PRMT8: variants seen among roughly 807,000 people sequenced by gnomAD.
The protein encoded by PRMT8 is protein arginine methyltransferase 8.
In PRMT8, 7 loss-of-function variants were observed where a neutral mutation model predicts 47.1. That is an observed-to-expected ratio of 0.15 (90% confidence interval 0.08 to 0.28). The LOEUF is 0.28. PRMT8 is among the 10% of genes least tolerant of loss of function. The pLI is 1.00. For missense variants in PRMT8, 237 were observed against 505.4 expected, an observed-to-expected ratio of 0.47 and a Z score of 5.09; for synonymous variants, 188 against 186.5, an observed-to-expected ratio of 1.01 and a Z score of -0.07.
At chr12:3,480,072 G>A (rs1444088606) in intron 1 of PRMT8, among the ~76,000 whole-genome samples, 1 of 152,104 alleles carries the variant, frequency 6.6e-6, no homozygotes, top group African/African-American at 2.4e-5. Flanking sequence ...ATGGATAATG[G>A]ACAAACCCTG....
intron 1 of PRMT8, among the ~76,000 whole-genome samples, chr12:3,402,997 A>G (rs1864332778): frequency 6.6e-6 from 1 of 152,216 alleles, no homozygotes; most frequent in African/African-American, 2.4e-5. Flanking sequence ...AAATCATTCT[A>G]TTACAAAGAT....
Position 3,552,875 on chromosome 12 carries a change from AAG to A in PRMT8, c.418-771_418-770del. On this transcript the variant is annotated intron_variant, in intron 3 of 9. Coordinates refer to ENST00000382622, the MANE Select transcript of PRMT8 (RefSeq NM_019854.5). This position sits in a 1 kb window ranked among gnomAD's most constrained non-coding sequence, Gnocchi z 4.5. ...GGCCTTAGCACAGGCCAGCCTCTGT[AAG>A]AGAGCCGGCTCCGGAGGTGAGGACG... is the stretch of plus-strand genomic sequence containing the variant. 2.4e-6 allele frequency: 1 copy of A among 425,366 alleles called. No homozygotes were observed. Among genetic ancestry groups the A allele is most frequent in the Non-Finnish European group, 4.8e-6 (1 of 210,100 alleles). 26.3% of individuals were successfully genotyped at this position (425,366 alleles called of 1,614,324 possible).
chr12:3,425,520 G>A (rs1864594870), intron 1 of PRMT8, among the ~76,000 whole-genome samples: 4 of 152,238 alleles, frequency 2.6e-5, no homozygotes, highest in Admixed American at 1.3e-4. Flanking sequence ...CCCAGGGCTG[G>A]GGCTGACATG....
At chr12:3,525,377 G>T (rs1865937717) in intron 1 of PRMT8, among the ~76,000 whole-genome samples, 1 of 152,148 alleles carries the variant, frequency 6.6e-6, no homozygotes, top group African/African-American at 2.4e-5. Flanking sequence ...GGGCCTTGTG[G>T]GTATGCAGAG....
At position 3,420,999 on chromosome 12, in the gene PRMT8, C is replaced by A. The variant is rs1864534842; in HGVS notation, c.48+39557C>A. Among the ~76,000 whole-genome samples the A allele has an allele frequency of 2.6e-5, 4 of 152,274 alleles. No homozygotes were observed. The South Asian group carries it at 6.2e-4, about 24-fold the overall frequency. On this transcript the variant is annotated intron_variant, in intron 1 of 9. Coordinates refer to the PRMT8 transcript ENST00000452611. ...CTGGAACCTGAGTCAAAAATCACAT[C>A]AAATATCAGGCATTCCACTGGGAGG... is the stretch of plus-strand genomic sequence containing the variant.
At chr12:3,470,931 G>A (rs1206576125) in intron 1 of PRMT8, among the ~76,000 whole-genome samples, 49 of 152,208 alleles carry the variant, frequency 3.2e-4, no homozygotes, top group Admixed American at 3.2e-3. Context: ...CAAAAGACAG[G>A]CTTAATGGGA....
chr12:3,416,542 G>A (rs1400337325), intron 1 of PRMT8, among the ~76,000 whole-genome samples: 2 of 152,194 alleles, frequency 1.3e-5, no homozygotes, highest in African/African-American at 4.8e-5. Context: ...AGTCACTGGT[G>A]GGCTGTTGGA....
intron 1 of PRMT8, among the ~76,000 whole-genome samples, chr12:3,472,638 A>G (rs1865172334): frequency 6.6e-6 from 1 of 152,338 alleles, no homozygotes; most frequent in Non-Finnish European, 1.5e-5. Flanking sequence ...GGCCTGACCC[A>G]GTAAGCTTTG....
Position 3,557,636 on chromosome 12 carries a change from T to A in PRMT8, c.481+3922T>A, listed in dbSNP as rs1253566076. On this transcript the variant is annotated intron_variant, in intron 4 of 9. Transcript: ENST00000382622. This position sits in a 1 kb window ranked among gnomAD's most constrained non-coding sequence, Gnocchi z 4.7. Reference sequence around the variant, plus strand: ...AAAGAAAACTGGTCGATTCTTTCTCTGGGAGGGTGACACAGCCTGGCCTCC... The same window carrying A: ...AAAGAAAACTGGTCGATTCTTTCTCAGGGAGGGTGACACAGCCTGGCCTCC... 1.3e-5 allele frequency among the ~76,000 whole-genome samples: 2 copies of A among 152,162 alleles called. No individual in the cohort carries two copies. The highest frequency in any genetic ancestry group is 2.9e-5 in the Non-Finnish European group (2 of 68,016).
intron 1 of PRMT8, among the ~76,000 whole-genome samples, chr12:3,426,756 G>T (rs1320896017): frequency 6.6e-6 from 1 of 152,112 alleles, no homozygotes; most frequent in Admixed American, 6.5e-5. Context: ...AATTTGGTAG[G>T]GTTTTCCCCT....
rs10450713 is a variant in PRMT8, at chr12:3,447,795, C to G, written c.48+66353C>G. Reference sequence around the variant, plus strand: ...CATCATCAAGGCTTAAATTGGTGTTCACCCCTGCACTGACCTCTTTACATT... The same window carrying G: ...CATCATCAAGGCTTAAATTGGTGTTGACCCCTGCACTGACCTCTTTACATT... On this transcript the variant is annotated intron_variant, in intron 1 of 9. Transcript: ENST00000452611. Among the ~76,000 whole-genome samples the G allele has an allele frequency of 7.9e-3, 1,202 of 152,324 alleles. 15 individuals are homozygous for G. The highest frequency in any genetic ancestry group is 0.027 in the African/African-American group (1,127 of 41,568).
chr12:3,407,811 C>T (rs1864388026), intron 1 of PRMT8, among the ~76,000 whole-genome samples: 1 of 151,998 alleles, frequency 6.6e-6, no homozygotes, highest in Non-Finnish European at 1.5e-5. Context: ...TTTTTTCATT[C>T]TCTTTTCTTT....
At chr12:3,437,200 A>C (rs1864752927) in intron 1 of PRMT8, among the ~76,000 whole-genome samples, 1 of 151,986 alleles carries the variant, frequency 6.6e-6, no homozygotes, top group African/African-American at 2.4e-5. Flanking sequence ...ATAAAAGAAA[A>C]ATATATATTT....
At chr12:3,457,912 A>G (rs1002353918) in intron 1 of PRMT8, among the ~76,000 whole-genome samples, 8 of 131,238 alleles carry the variant, frequency 6.1e-5, no homozygotes, top group African/African-American at 2.3e-4. Context: ...GTGTGATCTC[A>G]GCTCACTGCA....
intron 1 of PRMT8, among the ~76,000 whole-genome samples, chr12:3,413,948 T>C (rs1209556219): frequency 2.0e-5 from 3 of 152,146 alleles, no homozygotes; most frequent in Admixed American, 2.0e-4. Flanking sequence ...GATTTTGGTA[T>C]TCACAGGTGT....
chr12:3,526,283 C>T (rs557242150), intron 1 of PRMT8, among the ~76,000 whole-genome samples: 1 of 152,270 alleles, frequency 6.6e-6, no homozygotes, highest in South Asian at 2.1e-4. Context: ...ACTTGGTTTG[C>T]TTTCCCATTT....
At position 3,456,240 on chromosome 12, in the gene PRMT8, C is replaced by T. The variant is rs149182631; in HGVS notation, c.48+74798C>T. On this transcript the variant is annotated intron_variant, in intron 1 of 9. Coordinates refer to the PRMT8 transcript ENST00000452611. This position sits in a 1 kb window ranked among gnomAD's most constrained non-coding sequence, Gnocchi z 4.2. ...CTTTGAGCGGGAAATGGCAGCCTCCCCTTGCCTGCAGTTCTTCCGGCCTCA... is the reference window on the plus strand; with the variant it reads ...CTTTGAGCGGGAAATGGCAGCCTCCTCTTGCCTGCAGTTCTTCCGGCCTCA... Among the ~76,000 whole-genome samples, 1 of 152,352 alleles carries T rather than the reference C, an allele frequency of 6.6e-6. No homozygotes were observed. The highest frequency in any genetic ancestry group is 1.5e-5 in the Non-Finnish European group (1 of 68,026).
chr12:3,456,172 T>C lies in PRMT8; in HGVS notation c.48+74730T>C, dbSNP rs904321781. Among the ~76,000 whole-genome samples, 7 of 152,204 alleles carry C rather than the reference T, an allele frequency of 4.6e-5. No individual in the cohort carries two copies. The highest frequency in any genetic ancestry group is 4.6e-4 in the Admixed American group (7 of 15,284). On this transcript the variant is annotated intron_variant, in intron 1 of 9. Transcript: ENST00000452611. This position sits in a 1 kb window ranked among gnomAD's most constrained non-coding sequence, Gnocchi z 4.2. Reference sequence around the variant, plus strand: ...TTCCTCACTTAAACCACATTTCCGATGACCACATCCAAGTACGCCAGCGCT... The same window carrying C: ...TTCCTCACTTAAACCACATTTCCGACGACCACATCCAAGTACGCCAGCGCT...
chr12:3,568,911 C>A (rs1190606911), intron 5 of PRMT8, 63 bp downstream of exon 5: 1 of 1,602,286 alleles, frequency 6.2e-7, no homozygotes, highest in Non-Finnish European at 8.5e-7. Flanking sequence ...CTACCCAAGG[C>A]CTGCAGCCTA....
Sources: gnomAD v4.1 joint callset for allele counts (sites outside exome capture counted in the v4.1 genomes callset) on GRCh38, gnomAD v4.1.1 for gene constraint, Gnocchi (gnomAD v3.1) non-coding constraint, MANE v1.5 for transcripts, NCBI Gene and HGNC (gene_info 2026-07-23, HGNC 2026-07-21) for gene names.